Variants in PSMA5 observed in about 807,000 individuals in gnomAD.
The protein encoded by PSMA5 is proteasome 20S subunit alpha 5.
A neutral mutation model predicts 34.5 loss-of-function variants in PSMA5; 3 were observed. That is an observed-to-expected ratio of 0.09 (90% CI 0.04 to 0.22). The LOEUF is 0.22. Among genes scored for constraint, PSMA5 ranks in the 10% least tolerant of loss-of-function variants. The pLI, the probability that PSMA5 is intolerant of heterozygous loss-of-function variation, is 1.00. For synonymous variants in PSMA5, 88 were observed against 95.8 expected, an observed-to-expected ratio of 0.92 and a Z score of 0.47; for missense variants, 120 against 286.1, an observed-to-expected ratio of 0.42 and a Z score of 4.19.
chr1:109,411,861 A>T lies in PSMA5; in HGVS notation c.458+16T>A. 6.3e-7 allele frequency: 1 copy of T among 1,599,996 alleles called. No homozygotes were observed. ...CCCTGCAAAAGCATGGGGGAAAATT[A>T]CAAAATGGTACTTACAGCTGGGGTC... On this transcript the variant is annotated intron_variant, in intron 6 of 8. Coordinates refer to ENST00000271308, the MANE Select transcript of PSMA5 (RefSeq NM_002790.4).
At position 109,400,761 on chromosome 1, in the gene PSMA5, T is replaced by C. The variant is rs1653483868; in HGVS notation, c.*1252A>G. ...GTATGAATTCAGCCTATCCAAATAG[T>C]CATAATTTATTAACATATAGTACAA... On this transcript the variant is annotated 3_prime_UTR_variant, in exon 9 of 9. Coordinates refer to ENST00000271308, the MANE Select transcript of PSMA5 (RefSeq NM_002790.4). 1 of 152,196 alleles carries C rather than the reference T, an allele frequency of 6.6e-6. No homozygotes were observed. Among genetic ancestry groups the C allele is most frequent in the African/African-American group, 2.4e-5 (1 of 41,436 alleles). 9.4% of individuals were successfully genotyped at this position (152,196 alleles called of 1,614,324 possible).
At chr1:109,402,536 T>C (rs1405082498) in intron 8 of PSMA5, among the ~76,000 whole-genome samples, 1 of 152,212 alleles carries the variant, frequency 6.6e-6, no homozygotes, top group African/African-American at 2.4e-5. Context: ...ATCTGTACAA[T>C]GAGGACAATA....
chr1:109,410,652 A>G (rs986405007), intron 7 of PSMA5, among the ~76,000 whole-genome samples: 1 of 152,260 alleles, frequency 6.6e-6, no homozygotes, highest in Non-Finnish European at 1.5e-5. Context: ...TGGTACATCC[A>G]TACCATGGTA....
intron 5 of PSMA5, 45 bp from the exon 6 acceptor site, chr1:109,411,980 TAAG>T: frequency 6.3e-7 from 1 of 1,591,594 alleles, no homozygotes; most frequent in Non-Finnish European, 8.6e-7. Flanking sequence ...GGCTATAAAG[TAAG>T]GAGGTGAGAG....
chr1:109,412,064 G>A lies in PSMA5; in HGVS notation c.399+13C>T, dbSNP rs1384401927. On this transcript the variant is annotated intron_variant, in intron 5 of 8. Transcript: ENST00000271308. ...AGAACAATAAGAAAACTCGACAGAA[G>A]TATCACACTCACCATGGCACCTGGA... 3 of 1,609,658 alleles carry A rather than the reference G, an allele frequency of 1.9e-6. No homozygotes were observed. Among genetic ancestry groups the A allele is most frequent in the South Asian group, 1.1e-5 (1 of 90,986 alleles).
rs970655235 is a variant in PSMA5 at position 109,401,114 on chromosome 1, A to G, written c.*899T>C. 5 of 152,182 alleles carry G rather than the reference A, an allele frequency of 3.3e-5. No individual in the cohort carries two copies. The highest frequency in any genetic ancestry group is 1.2e-4 in the African/African-American group (5 of 41,456). 9.4% of individuals were successfully genotyped at this position (152,182 alleles called of 1,614,324 possible). On this transcript the variant is annotated 3_prime_UTR_variant, in exon 9 of 9. Transcript: ENST00000271308. ...ATGATTCTTTAAACAATCTCCACCA[A>G]TCATATGATGGCAGCTCTAATGGGG...
At chr1:109,425,290 C>T (rs1354291436) in intron 1 of PSMA5, 1 of 152,182 alleles carries the variant, frequency 6.6e-6, no homozygotes, top group Non-Finnish European at 1.5e-5. Flanking sequence ...TTAATAAATG[C>T]CTTCTGATAA....
intron 8 of PSMA5, among the ~76,000 whole-genome samples, chr1:109,408,695 C>CT (rs35993517): frequency 0.046 from 6,704 of 145,824 alleles, 163 homozygotes; most frequent in Non-Finnish European, 0.061. Flanking sequence ...TTTCTTTCAG[C>CT]TTTTTTTTTT....
chr1:109,417,155 G>A (rs994312182), intron 2 of PSMA5, among the ~76,000 whole-genome samples: 15 of 152,126 alleles, frequency 9.9e-5, no homozygotes, highest in Admixed American at 7.9e-4. Flanking sequence ...TAAAGGTGCA[G>A]ACTAAAGACA....
chr1:109,405,475 A>G (rs575785995), intron 8 of PSMA5, among the ~76,000 whole-genome samples: 2 of 126,704 alleles, frequency 1.6e-5, no homozygotes, highest in Admixed American at 9.2e-5. Flanking sequence ...TTTGAGACAG[A>G]GTCTCGCTCT....
intron 2 of PSMA5, among the ~76,000 whole-genome samples, chr1:109,418,984 G>T (rs573981458): frequency 3.6e-4 from 55 of 152,146 alleles, no homozygotes; most frequent in Non-Finnish European, 6.8e-4. Flanking sequence ...GACAAACCCC[G>T]TCTCTACTAA....
intron 6 of PSMA5, 54 bp from the exon 7 acceptor site, chr1:109,411,167 G>C (rs953280313): frequency 1.2e-5 from 15 of 1,257,778 alleles, no homozygotes; most frequent in Non-Finnish European, 1.7e-5. Flanking sequence ...GGCACTTTAT[G>C]TAACAAACGT....
At chr1:109,410,125 A>T in intron 7 of PSMA5, 111 bp from the exon 8 acceptor site, 1 of 712,610 alleles carries the variant, frequency 1.4e-6, no homozygotes, top group Non-Finnish European at 2.4e-6. Context: ...TATGTCAAAC[A>T]TCTTACTTAG....
At chr1:109,426,147 G>T in intron 1 of PSMA5, 155 bp downstream of exon 1, 1 of 965,344 alleles carries the variant, frequency 1.0e-6, no homozygotes, top group Non-Finnish European at 1.6e-6. Context: ...GCTTGGGGAA[G>T]GACGGCGGGC....
At chr1:109,415,717 T>C (rs1417671665) in intron 2 of PSMA5, among the ~76,000 whole-genome samples, 1 of 152,136 alleles carries the variant, frequency 6.6e-6, no homozygotes, top group Non-Finnish European at 1.5e-5. Context: ...CTAATGCCAA[T>C]ATTTGGAGGA....
intron 2 of PSMA5, among the ~76,000 whole-genome samples, chr1:109,420,559 T>C (rs780393745): frequency 3.3e-5 from 5 of 152,232 alleles, no homozygotes; most frequent in African/African-American, 4.8e-5. Context: ...ACTACATGCA[T>C]GTATACCTTA....
At chr1:109,415,665 T>G (rs1557843052) in intron 2 of PSMA5, among the ~76,000 whole-genome samples, 1 of 152,018 alleles carries the variant, frequency 6.6e-6, no homozygotes, top group Non-Finnish European at 1.5e-5. Context: ...CCCAAAAGAG[T>G]AAGTTCAACA....
At chr1:109,418,243 T>G (rs1018412116) in intron 2 of PSMA5, among the ~76,000 whole-genome samples, 1 of 152,056 alleles carries the variant, frequency 6.6e-6, no homozygotes, top group Non-Finnish European at 1.5e-5. Flanking sequence ...ACCACTAAAT[T>G]TATTTTATTA....
In PSMA5 at chr1:109,412,097, CT is replaced by C; in HGVS notation, c.378del (p.Asp127MetfsTer13). 1 of 1,614,064 alleles carries C rather than the reference CT, an allele frequency of 6.2e-7. No individual in the cohort carries two copies. Among genetic ancestry groups the C allele is most frequent in the Non-Finnish European group, 8.5e-7 (1 of 1,179,910 alleles). ...CTCACCATGGCACCTGGATCTGCAT[CT>C]TCTTCTCCAAACTGCAAAGCCAGAT... ...VSNLALQFGE[E>X]DADPGAMSRP... On this transcript the variant is annotated frameshift_variant, in exon 5 of 9. Coordinates refer to ENST00000271308, the MANE Select transcript of PSMA5 (RefSeq NM_002790.4). LOFTEE classifies it high-confidence loss of function.
Sources: allele counts gnomAD v4.1 joint callset (sites outside exome capture counted in the v4.1 genomes callset), GRCh38; gene constraint gnomAD v4.1.1; transcripts MANE v1.5; gene names NCBI Gene and HGNC (gene_info 2026-07-23, HGNC 2026-07-21).